The following FMN1 variants were observed in gnomAD, a reference collection of about 807,000 sequenced individuals.
FMN1 encodes formin 1, also known as formin-1.
In FMN1, 110 loss-of-function variants were observed where a neutral mutation model predicts 132.4. That is an observed-to-expected ratio of 0.83 (90% CI 0.71 to 0.97). FMN1 has a LOEUF of 0.97. FMN1 is among the 50% of genes least tolerant of loss of function. The probability of loss-of-function intolerance (pLI) is 0.00; values close to 1 mark genes in which losing one functional copy is unlikely to be tolerated. For synonymous variants in FMN1, 722 were observed against 651.7 expected (o/e 1.11, Z -1.64); for missense variants, 1,792 against 1,705.3 (o/e 1.05, Z -0.90).
chr15:33,184,551 T>C (rs1310017631), intron 2 of FMN1, among the ~76,000 whole-genome samples: 1 of 151,546 alleles, frequency 6.6e-6, no homozygotes, highest in Non-Finnish European at 1.5e-5. Context: ...TCACCCAGGC[T>C]GAAATGCAGT....
intron 5 of FMN1, chr15:33,067,601 T>C: frequency 1.2e-6 from 2 of 1,613,990 alleles, no homozygotes; most frequent in Non-Finnish European, 8.5e-7. Context: ...TGCAATTTTC[T>C]CATCATTTCC....
At chr15:32,940,209 T>C (rs1596314403) in intron 9 of FMN1, among the ~76,000 whole-genome samples, 1 of 152,142 alleles carries the variant, frequency 6.6e-6, no homozygotes, top group Admixed American at 6.6e-5. Flanking sequence ...AGCTGTGGAA[T>C]GGGATCAACA....
chr15:33,017,616 G>A (rs541806004), intron 6 of FMN1, among the ~76,000 whole-genome samples: 1 of 152,196 alleles, frequency 6.6e-6, no homozygotes, highest in African/African-American at 2.4e-5. Flanking sequence ...CATGAATTTA[G>A]GAATTGTAAC....
At chr15:32,793,044 G>A (rs2057146378) in intron 19 of FMN1, among the ~76,000 whole-genome samples, 1 of 152,140 alleles carries the variant, frequency 6.6e-6, no homozygotes. Flanking sequence ...AGGAAATAAG[G>A]AAATGAACGT....
At chr15:33,131,627 T>G (rs1963553244) in intron 4 of FMN1, among the ~76,000 whole-genome samples, 1 of 152,102 alleles carries the variant, frequency 6.6e-6, no homozygotes, top group African/African-American at 2.4e-5. Context: ...ACTACCCCAC[T>G]GTGAGTTTCA....
intron 7 of FMN1, among the ~76,000 whole-genome samples, chr15:32,997,926 A>T (rs938117671): frequency 2.6e-5 from 4 of 152,216 alleles, no homozygotes; most frequent in Non-Finnish European, 4.4e-5. Flanking sequence ...TAAAAGCTCA[A>T]GGAATTCTGC....
chr15:33,031,539 T>C (rs2035938269), intron 6 of FMN1, among the ~76,000 whole-genome samples: 2 of 152,192 alleles, frequency 1.3e-5, no homozygotes, highest in African/African-American at 4.8e-5. Context: ...ATTAAACCTT[T>C]AGCAATATGT....
chr15:33,035,927 GA>G (rs776778960), intron 6 of FMN1, among the ~76,000 whole-genome samples: 15 of 152,152 alleles, frequency 9.9e-5, no homozygotes, highest in Admixed American at 2.6e-4. Context: ...ACTGTCATAG[GA>G]GGGAAGCTGG....
At chr15:32,950,665 G>A (rs915334579) in intron 9 of FMN1, among the ~76,000 whole-genome samples, 15 of 152,072 alleles carry the variant, frequency 9.9e-5, no homozygotes, top group African/African-American at 3.4e-4. Flanking sequence ...ACAGAGGAGA[G>A]CAACATACAC....
chr15:32,992,371 C>T (rs2033487469), intron 7 of FMN1, among the ~76,000 whole-genome samples: 1 of 152,058 alleles, frequency 6.6e-6, no homozygotes, highest in South Asian at 2.1e-4. Flanking sequence ...ATTTTCATTA[C>T]TTAAGATGGT....
chr15:33,075,996 C>T (rs1229510044), intron 5 of FMN1, among the ~76,000 whole-genome samples: 5 of 152,148 alleles, frequency 3.3e-5, no homozygotes, highest in Admixed American at 2.0e-4. Flanking sequence ...ATTTCTAAGA[C>T]TGGGTTGTTC....
At chr15:32,785,218 A>ATATTTTTTTTTT (rs1444523400) in intron 19 of FMN1, among the ~76,000 whole-genome samples, 9 of 39,204 alleles carry the variant, frequency 2.3e-4, no homozygotes, top group African/African-American at 3.6e-4. Flanking sequence ...ATATATATAT[A>ATATTTTTTTTTT]TTTTTTTTTT....
intron 17 of FMN1, among the ~76,000 whole-genome samples, chr15:32,809,206 A>G (rs2057787384): frequency 6.6e-6 from 1 of 152,180 alleles, no homozygotes; most frequent in African/African-American, 2.4e-5. Context: ...CACTTCCCCA[A>G]TACCAAATAA....
chr15:32,865,132 AGG>A (rs772749003), intron 16 of FMN1, among the ~76,000 whole-genome samples: 1 of 152,154 alleles, frequency 6.6e-6, no homozygotes, highest in South Asian at 2.1e-4. Context: ...GTGACAGCTA[AGG>A]GGGTAAGGGA....
intron 15 of FMN1, among the ~76,000 whole-genome samples, chr15:32,890,709 T>C (rs915983488): frequency 6.6e-6 from 1 of 152,214 alleles, no homozygotes; most frequent in African/African-American, 2.4e-5. Flanking sequence ...ACTCTTAGGT[T>C]GCCCCTTTTG....
intron 17 of FMN1, among the ~76,000 whole-genome samples, chr15:32,843,663 T>C (rs560252310): frequency 1.3e-5 from 2 of 152,340 alleles, no homozygotes; most frequent in African/African-American, 4.8e-5. Context: ...AATGGGATGG[T>C]GCAATGAGCT....
At chr15:33,024,509 G>C (rs959325044) in intron 6 of FMN1, among the ~76,000 whole-genome samples, 4 of 151,770 alleles carry the variant, frequency 2.6e-5, no homozygotes, top group Admixed American at 2.6e-4. Context: ...GCCTCCCAAA[G>C]TGCTGGGATT....
intron 13 of FMN1, among the ~76,000 whole-genome samples, chr15:32,900,702 A>G (rs968201459): frequency 1.3e-5 from 2 of 152,196 alleles, no homozygotes; most frequent in African/African-American, 4.8e-5. Flanking sequence ...TGTATTGTCT[A>G]TTAACTTTTA....
intron 7 of FMN1, among the ~76,000 whole-genome samples, chr15:32,992,711 T>C (rs1302010858): frequency 6.6e-6 from 1 of 152,222 alleles, no homozygotes; most frequent in Non-Finnish European, 1.5e-5. Context: ...ATCATATTCC[T>C]ATAACTCCTA....
Sources: allele counts gnomAD v4.1 joint callset (sites outside exome capture counted in the v4.1 genomes callset), GRCh38; gene constraint gnomAD v4.1.1; transcripts MANE v1.5; gene names NCBI Gene and HGNC (gene_info 2026-07-23, HGNC 2026-07-21).